Variants in PSMA1 observed in about 807,000 individuals in gnomAD.
PSMA1 encodes the protein proteasome 20S subunit alpha 1, also known as proteasome subunit alpha type-1.
PSMA1 carries 3 observed loss-of-function variants against 38.4 expected under a neutral mutation model. The ratio of observed to expected loss-of-function variants is 0.08; its 90% CI spans 0.04 to 0.20. The LOEUF (loss-of-function observed/expected upper bound fraction) is 0.20, where lower values mean the gene tolerates loss of function less well. PSMA1 is among the 10% of genes least tolerant of loss of function. The pLI is 1.00. For missense variants in PSMA1, 227 were observed against 325.3 expected, an observed-to-expected ratio of 0.70 and a Z score of 2.32; for synonymous variants, 101 against 107.1, an observed-to-expected ratio of 0.94 and a Z score of 0.35.
intron 2 of PSMA1, among the ~76,000 whole-genome samples, chr11:14,597,658 G>A (rs369696993): frequency 9.9e-5 from 15 of 151,672 alleles, no homozygotes; most frequent in African/African-American, 2.7e-4. Flanking sequence ...TCTTGCTAGC[G>A]GTCTATCCTA....
intron 1 of PSMA1, among the ~76,000 whole-genome samples, chr11:14,617,819 GTA>G (rs910411305): frequency 6.9e-4 from 105 of 152,144 alleles, no homozygotes; most frequent in African/African-American, 2.3e-3. Context: ...CAGGAGAGGT[GTA>G]AGGAACAACA....
At chr11:14,620,931 G>C (rs1852836105) in intron 1 of PSMA1, among the ~76,000 whole-genome samples, 2 of 152,194 alleles carry the variant, frequency 1.3e-5, no homozygotes, top group Non-Finnish European at 2.9e-5. Flanking sequence ...GCTAATGTCA[G>C]AGAATAGCAG....
chr11:14,615,867 G>A (rs1852765983), intron 1 of PSMA1, among the ~76,000 whole-genome samples: 1 of 152,188 alleles, frequency 6.6e-6, no homozygotes, highest in Admixed American at 6.5e-5. Flanking sequence ...GTGACTAGGT[G>A]GGAAAGAGCC....
At chr11:14,535,644 C>T (rs1851698750) in intron 2 of PSMA1, among the ~76,000 whole-genome samples, 1 of 151,754 alleles carries the variant, frequency 6.6e-6, no homozygotes. Context: ...GGGGTTTCTC[C>T]ATTTTGGTCA....
chr11:14,512,311 T>C (rs1215829074), intron 7 of PSMA1, among the ~76,000 whole-genome samples: 1 of 151,876 alleles, frequency 6.6e-6, no homozygotes, highest in Non-Finnish European at 1.5e-5. Flanking sequence ...GAGGCAGAGG[T>C]TGCAATAAGC....
chr11:14,521,162 C>G (rs1851521497), upstream of PSMA1, among the ~76,000 whole-genome samples: 1 of 40,920 alleles, frequency 2.4e-5, no homozygotes, highest in Non-Finnish European at 4.8e-5. Flanking sequence ...TATTTATATT[C>G]TTTGTAAAAA....
intron 2 of PSMA1, among the ~76,000 whole-genome samples, chr11:14,566,679 C>T (rs148814553): frequency 6.8e-4 from 103 of 152,166 alleles, no homozygotes; most frequent in African/African-American, 2.3e-3. Context: ...TGGAGAGACA[C>T]AGGGAAAAAT....
At chr11:14,620,901 AT>A (rs920947273) in intron 1 of PSMA1, among the ~76,000 whole-genome samples, 1 of 152,220 alleles carries the variant, frequency 6.6e-6, no homozygotes, top group African/African-American at 2.4e-5. Context: ...TATCAAGATC[AT>A]TTTAAATTTG....
chr11:14,586,964 G>T (rs959207987), intron 2 of PSMA1, among the ~76,000 whole-genome samples: 2 of 152,118 alleles, frequency 1.3e-5, no homozygotes, highest in African/African-American at 4.8e-5. Flanking sequence ...GTTCCACTAT[G>T]TTGGCCAGGA....
chr11:14,555,234 CA>C (rs1851929562), intron 2 of PSMA1, among the ~76,000 whole-genome samples: 1 of 152,172 alleles, frequency 6.6e-6, no homozygotes, highest in South Asian at 2.1e-4. Flanking sequence ...ACCATGTAAA[CA>C]ATTACATTTC....
At chr11:14,630,644 T>C (rs1362058252) in intron 1 of PSMA1, among the ~76,000 whole-genome samples, 1 of 151,750 alleles carries the variant, frequency 6.6e-6, no homozygotes, top group African/African-American at 2.4e-5. Context: ...GTTGTGTCTC[T>C]GCCTGGCTTT....
intron 1 of PSMA1, among the ~76,000 whole-genome samples, chr11:14,641,233 G>T (rs189179398): frequency 6.6e-6 from 1 of 151,898 alleles, no homozygotes; most frequent in Non-Finnish European, 1.5e-5. Flanking sequence ...AAATAAGGAT[G>T]GGGTAAAGTG....
chr11:14,570,907 G>A (rs955839685), intron 2 of PSMA1, among the ~76,000 whole-genome samples: 1 of 152,102 alleles, frequency 6.6e-6, no homozygotes, highest in Non-Finnish European at 1.5e-5. Flanking sequence ...AATTATCAGA[G>A]TCACCAAAGT....
intron 2 of PSMA1, among the ~76,000 whole-genome samples, chr11:14,596,092 C>G (rs1173511090): frequency 6.6e-6 from 1 of 152,108 alleles, no homozygotes; most frequent in Non-Finnish European, 1.5e-5. Flanking sequence ...TGTTCTGTTC[C>G]ATTGGTCTAT....
Position 14,539,902 on chromosome 11 carries a change from A to G in PSMA1, c.22-20861T>C, listed in dbSNP as rs117693907. Reference sequence around the variant, plus strand: ...ACAACAGGACCCACAGGAGGAAGATAAAGGATAAAAAAATCCTATATGGCT... The same window carrying G: ...ACAACAGGACCCACAGGAGGAAGATGAAGGATAAAAAAATCCTATATGGCT... On this transcript the variant is annotated intron_variant, in intron 2 of 10. Coordinates refer to the PSMA1 transcript ENST00000418988. Among the ~76,000 whole-genome samples, 1,219 of 152,256 alleles carry G rather than the reference A, an allele frequency of 8.0e-3. 44 individuals are homozygous for G. The East Asian group carries it at 0.086, about 11-fold the overall frequency.
intron 1 of PSMA1, among the ~76,000 whole-genome samples, chr11:14,619,585 AATTAAG>A (rs1852816297): frequency 6.6e-6 from 1 of 152,252 alleles, no homozygotes; most frequent in Admixed American, 6.5e-5. Flanking sequence ...AGCCTGAAGA[AATTAAG>A]ATTAATTTAA....
intron 4 of PSMA1, 78 bp downstream of exon 4, chr11:14,517,564 T>C (rs1851450315): frequency 1.7e-6 from 2 of 1,177,598 alleles, no homozygotes; most frequent in Non-Finnish European, 2.4e-6. Context: ...CTTCCTAAAA[T>C]ACCTTATCTG....
At position 14,530,151 on chromosome 11, in the gene PSMA1, C is replaced by A. The variant is rs112190068; in HGVS notation, c.22-11110G>T. Among the ~76,000 whole-genome samples, 7 of 152,026 alleles carry A rather than the reference C, an allele frequency of 4.6e-5. No individual in the cohort carries two copies. In the South Asian group the frequency reaches 1.5e-3, roughly 32 times the overall value. On this transcript the variant is annotated intron_variant, in intron 2 of 10. Transcript: ENST00000418988. ...GTGACCTCAACCCCTGCCCTACCCC[C>A]CTGCTAGGTGTAGGGATCATATATC... is the stretch of plus-strand genomic sequence containing the variant.
intron 9 of PSMA1, chr11:14,507,454 C>T (rs1851263242): frequency 4.2e-6 from 2 of 475,714 alleles, no homozygotes; most frequent in Non-Finnish European, 7.4e-6. Flanking sequence ...GCATGAGCCA[C>T]CGCACCCGGC....
Sources: allele counts gnomAD v4.1 joint callset (sites outside exome capture counted in the v4.1 genomes callset), GRCh38; gene constraint gnomAD v4.1.1; transcripts MANE v1.5; gene names NCBI Gene and HGNC (gene_info 2026-07-23, HGNC 2026-07-21).